The following XKR7 variants were observed in gnomAD, a reference collection of about 807,000 sequenced individuals.
The protein encoded by XKR7 is XK related 7.
A neutral mutation model predicts 42.2 loss-of-function variants in XKR7; 11 were observed. That is an observed-to-expected ratio of 0.26 (90% CI 0.16 to 0.43). The LOEUF is 0.43. Ranked by LOEUF, XKR7 falls within the 20% of genes least tolerant of loss-of-function variation. The pLI is 1.00. For missense variants in XKR7, 710 were observed against 802.2 expected (o/e 0.89, Z 1.39); for synonymous variants, 346 against 366.4 (o/e 0.94, Z 0.64).
rs867254471 is a variant in XKR7, at chr20:31,997,084, G to C, written c.1367G>C (p.Arg456Pro). The C allele has an allele frequency of 6.8e-6, 11 of 1,613,572 alleles. No homozygotes were observed. Among genetic ancestry groups the C allele is most frequent in the Non-Finnish European group, 9.3e-6 (11 of 1,180,018 alleles). The change falls in exon 3 of 3, where the codon CGT becomes CCT. Residue 456 changes from arginine (R) to proline (P), a missense_variant. Around this residue, in one of 2 missense-constraint regions of XKR7, gnomAD observed 708 missense variants for 786.2 expected, o/e 0.90. Coordinates refer to ENST00000562532, the MANE Select transcript of XKR7 (RefSeq NM_001011718.2). ...LGPQAPGCIF[R>P]KASEPCGPPA... The stretch of plus-strand genomic sequence containing the variant: ...CCCCAGGCACCTGGTTGCATCTTCC[G>C]TAAGGCCTCAGAGCCCTGTGGCCCA...
chr20:31,989,766 A>G (rs1238544454), intron 1 of XKR7, among the ~76,000 whole-genome samples: 1 of 152,116 alleles, frequency 6.6e-6, no homozygotes, highest in Admixed American at 6.5e-5. Context: ...GGCACACGCC[A>G]CCACATCGGC....
chr20:31,993,666 G>A (rs1293459342), intron 1 of XKR7, among the ~76,000 whole-genome samples: 4 of 152,176 alleles, frequency 2.6e-5, no homozygotes, highest in African/African-American at 7.2e-5. Context: ...AAGAACTGAG[G>A]ATGCAGCACT....
chr20:31,978,428 A>T (rs1422167213), intron 1 of XKR7, among the ~76,000 whole-genome samples: 1 of 152,178 alleles, frequency 6.6e-6, no homozygotes, highest in East Asian at 1.9e-4. Flanking sequence ...CTTTTTATTA[A>T]AACCTTTTAT....
intron 1 of XKR7, among the ~76,000 whole-genome samples, chr20:31,990,851 G>T (rs909174851): frequency 6.6e-6 from 1 of 151,780 alleles, no homozygotes; most frequent in Non-Finnish European, 1.5e-5. Flanking sequence ...AGAGCTTTTC[G>T]TGCTGGCTGG....
At chr20:31,983,986 A>G (rs915324420) in intron 1 of XKR7, among the ~76,000 whole-genome samples, 6 of 149,814 alleles carry the variant, frequency 4.0e-5, no homozygotes, top group Non-Finnish European at 8.9e-5. Flanking sequence ...AATAGCGGGG[A>G]GTGGACAGGC....
chr20:31,974,863 T>G (rs886644344), intron 1 of XKR7, among the ~76,000 whole-genome samples: 1 of 151,902 alleles, frequency 6.6e-6, no homozygotes, highest in African/African-American at 2.4e-5. Flanking sequence ...TGTTCCAGTT[T>G]GGGCCTCACC....
Position 31,996,838 on chromosome 20 carries a change from A to G in XKR7, c.1121A>G (p.Asn374Ser), listed in dbSNP as rs1356984903. ...ATCATCTACATCTTCTGCTGGTTCAACGTCAAGGAGGGCCGCAGCCGCCGC... is the reference window on the plus strand; with the variant it reads ...ATCATCTACATCTTCTGCTGGTTCAGCGTCAAGGAGGGCCGCAGCCGCCGC... Reference protein sequence around the residue: ...VGIIYIFCWFNVKEGRSRRRM... With the variant: ...VGIIYIFCWFSVKEGRSRRRM... The change falls in exon 3 of 3, where the codon AAC becomes AGC. Residue 374 changes from asparagine (N) to serine (S), a missense_variant. By Grantham distance (46) the Asn-to-Ser change is conservative. Transcript: ENST00000562532. The G allele has an allele frequency of 3.1e-6, 5 of 1,613,642 alleles. No homozygotes were observed. The highest frequency in any genetic ancestry group is 4.2e-6 in the Non-Finnish European group (5 of 1,179,956).
chr20:31,978,179 C>G (rs1265247570), intron 1 of XKR7, among the ~76,000 whole-genome samples: 1 of 152,044 alleles, frequency 6.6e-6, no homozygotes, highest in Non-Finnish European at 1.5e-5. Flanking sequence ...GATCTCAGTT[C>G]ACTCTAGCCT....
Position 31,996,684 on chromosome 20 carries a change from G to T in XKR7, c.967G>T (p.Val323Phe), listed in dbSNP as rs781133344. Residue 323 changes from valine (V) to phenylalanine (F), a missense_variant, in exon 3 of 3, where the codon GTC becomes TTC. Coordinates refer to ENST00000562532, the MANE Select transcript of XKR7 (RefSeq NM_001011718.2). ...RGLAFALFAS[V>F]YKLYFGIFIV... The stretch of plus-strand genomic sequence containing the variant: ...CCTGGCCTTCGCGCTCTTCGCCAGC[G>T]TCTACAAGCTCTATTTTGGCATCTT... 1 of 1,608,570 alleles carries T rather than the reference G, an allele frequency of 6.2e-7. No homozygotes were observed. Among genetic ancestry groups the T allele is most frequent in the Non-Finnish European group, 8.5e-7 (1 of 1,176,886 alleles).
intron 1 of XKR7, among the ~76,000 whole-genome samples, chr20:31,989,166 G>A (rs974562122): frequency 6.6e-6 from 1 of 152,156 alleles, no homozygotes; most frequent in Non-Finnish European, 1.5e-5. Context: ...CTCTGAGAAG[G>A]TGTGAGCTGA....
In XKR7 at chr20:31,968,653, C is replaced by A; in HGVS notation, c.478C>A (p.Gln160Lys). 6.3e-7 allele frequency: 1 copy of A among 1,579,482 alleles called. No individual in the cohort carries two copies. Among genetic ancestry groups the A allele is most frequent in the South Asian group, 1.1e-5 (1 of 88,834 alleles). ...AGAAGGCAGCCCCGAGCCGGGTCCCCAGCCTGCGCCCTCCTCGGCCAGCGC... is the reference window on the plus strand; with the variant it reads ...AGAAGGCAGCCCCGAGCCGGGTCCCAAGCCTGCGCCCTCCTCGGCCAGCGC... ...TKEGSPEPGPQPAPSSASAYR... is the reference protein window; with the variant it reads ...TKEGSPEPGPKPAPSSASAYR... Residue 160 changes from glutamine (Q) to lysine (K), a missense_variant, in exon 1 of 3, where the codon CAG (glutamine) becomes AAG (lysine). Physicochemically the swap from Gln to Lys is moderately conservative, Grantham distance 53. Coordinates refer to ENST00000562532, the MANE Select transcript of XKR7 (RefSeq NM_001011718.2). The surrounding 1 kb of genome is among the most constrained non-coding windows in gnomAD (Gnocchi z 4.5).
intron 1 of XKR7, chr20:31,970,625 A>G (rs1287199242): frequency 2.0e-5 from 3 of 152,186 alleles, no homozygotes; most frequent in East Asian, 3.8e-4. Flanking sequence ...CTTGCATAGT[A>G]TTTTAAAAAC....
intron 1 of XKR7, among the ~76,000 whole-genome samples, chr20:31,988,608 A>G (rs1313553215): frequency 6.6e-6 from 1 of 152,148 alleles, no homozygotes; most frequent in East Asian, 1.9e-4. Context: ...GATTCCAAAT[A>G]GACTGAGGGC....
chr20:31,970,310 A>G (rs774091779), intron 1 of XKR7: 6 of 152,184 alleles, frequency 3.9e-5, no homozygotes, highest in Non-Finnish European at 8.8e-5. Flanking sequence ...ATGCCCCTCG[A>G]CTCACTGGCT....
chr20:31,968,710 T>A lies in XKR7; in HGVS notation c.535T>A (p.Trp179Arg). Residue 179 changes from tryptophan (W) to arginine (R), a missense_variant, in exon 1 of 3, where the codon TGG becomes AGG. Transcript: ENST00000562532. This position sits in a 1 kb window ranked among gnomAD's most constrained non-coding sequence, Gnocchi z 4.5. ...CCGCCGCTGCTGCCGCCTCTGCATC[T>A]GGCTGCTGCAGACCCTCGTCCACCT... ...YRRRCCRLCI[W>R]LLQTLVHLLQ... is the part of the protein sequence containing the mutation. 2 of 1,565,190 alleles carry A rather than the reference T, an allele frequency of 1.3e-6. No individual in the cohort carries two copies. Among genetic ancestry groups the A allele is most frequent in the Non-Finnish European group, 1.7e-6 (2 of 1,163,656 alleles).
chr20:31,975,467 G>A (rs1396941213), intron 1 of XKR7, among the ~76,000 whole-genome samples: 1 of 151,980 alleles, frequency 6.6e-6, no homozygotes, highest in Non-Finnish European at 1.5e-5. Context: ...AATTCTGCAC[G>A]TCCTTCCAGG....
At chr20:31,976,509 C>T (rs1009660371) in intron 1 of XKR7, among the ~76,000 whole-genome samples, 5 of 151,966 alleles carry the variant, frequency 3.3e-5, no homozygotes, top group Non-Finnish European at 4.4e-5. Flanking sequence ...CTCAGCCTCC[C>T]GAGTAGCTGG....
chr20:31,983,432 C>A (rs1450767792), intron 1 of XKR7, among the ~76,000 whole-genome samples: 2 of 152,192 alleles, frequency 1.3e-5, no homozygotes. Context: ...TGGGAAAGCT[C>A]TCTGAAGAGG....
chr20:31,986,497 T>C (rs1287584120), intron 1 of XKR7, among the ~76,000 whole-genome samples: 1 of 65,026 alleles, frequency 1.5e-5, no homozygotes, highest in Non-Finnish European at 2.8e-5. Context: ...ACTAAACAGA[T>C]CCAGTATCCA....
Sources: gnomAD v4.1 joint callset for allele counts (sites outside exome capture counted in the v4.1 genomes callset) on GRCh38, gnomAD v4.1.1 for gene constraint, gnomAD v4.1.1 regional missense constraint, Gnocchi (gnomAD v3.1) non-coding constraint, MANE v1.5 for transcripts, NCBI Gene and HGNC (gene_info 2026-07-23, HGNC 2026-07-21) for gene names.